Variants in TIGAR observed in about 807,000 individuals in gnomAD.
The protein encoded by TIGAR is TP53 induced glycolysis regulatory phosphatase.
TIGAR carries 7 observed loss-of-function variants against 17.9 expected under a neutral mutation model. The ratio of observed to expected loss-of-function variants is 0.39; its 90% CI spans 0.22 to 0.73. The LOEUF (loss-of-function observed/expected upper bound fraction) is 0.73. Ranked by LOEUF, TIGAR falls within the 30% of genes least tolerant of loss-of-function variation. The pLI is 0.42. For synonymous variants in TIGAR, 94 were observed against 108.6 expected (o/e 0.87, Z 0.84); for missense variants, 258 against 327.4 (o/e 0.79, Z 1.64).
intron 3 of TIGAR, among the ~76,000 whole-genome samples, chr12:4,338,233 A>T (rs1430383737): frequency 2.6e-5 from 4 of 152,226 alleles, no homozygotes; most frequent in African/African-American, 9.6e-5. Flanking sequence ...TTGGAATTTC[A>T]TCTCCCCTAT....
rs139501377 is a variant in TIGAR at position 4,355,666 on chromosome 12, A to G, written c.*2975A>G. Among the ~76,000 whole-genome samples the G allele has an allele frequency of 2.0e-5, 3 of 152,376 alleles. No individual in the cohort carries two copies. The East Asian group carries it at 5.8e-4, about 29-fold the overall frequency. On this transcript the variant is annotated 3_prime_UTR_variant, in exon 6 of 6. Coordinates refer to ENST00000179259, the MANE Select transcript of TIGAR (RefSeq NM_020375.3). Reference sequence around the variant, plus strand: ...AACTATGATAAAGCTGTGAATATGTAGCCATGAACCAAAACAAAGTCTCTG... The same window carrying G: ...AACTATGATAAAGCTGTGAATATGTGGCCATGAACCAAAACAAAGTCTCTG...
intron 2 of TIGAR, among the ~76,000 whole-genome samples, chr12:4,333,415 G>A (rs918589714): frequency 1.3e-5 from 2 of 151,048 alleles, no homozygotes; most frequent in African/African-American, 2.4e-5. Flanking sequence ...CGAGACTCCC[G>A]AGTAGCTGGG....
chr12:4,327,036 A>G (rs529912488), intron 1 of TIGAR, among the ~76,000 whole-genome samples: 11 of 152,336 alleles, frequency 7.2e-5, no homozygotes, highest in African/African-American at 2.6e-4. Flanking sequence ...ATGAATCATA[A>G]ATCAGGCAGC....
Position 4,359,070 on chromosome 12 carries a change from C to A in TIGAR, c.*6379C>A, listed in dbSNP as rs1280587364. The stretch of plus-strand genomic sequence containing the variant: ...GTCTGGTTCCTCATTAAATTTGCAA[C>A]TACTCTTTTAGCCTTTATTGTTTAT... On this transcript the variant is annotated 3_prime_UTR_variant, in exon 6 of 6. Coordinates refer to ENST00000179259, the MANE Select transcript of TIGAR (RefSeq NM_020375.3). Among the ~76,000 whole-genome samples, 1 of 150,612 alleles carries A rather than the reference C, an allele frequency of 6.6e-6. No individual in the cohort carries two copies. The highest frequency in any genetic ancestry group is 1.5e-5 in the Non-Finnish European group (1 of 67,840).
chr12:4,346,288 A>G (rs559414101), intron 3 of TIGAR, among the ~76,000 whole-genome samples: 4 of 152,344 alleles, frequency 2.6e-5, no homozygotes, highest in Non-Finnish European at 4.4e-5. Flanking sequence ...ATCATGTGCT[A>G]TAAAGACACA....
rs542982812 is a variant in TIGAR at position 4,344,656 on chromosome 12, C to G, written c.193-5163C>G. Among the ~76,000 whole-genome samples the G allele has an allele frequency of 3.9e-5, 6 of 152,216 alleles. No homozygotes were observed. In the South Asian group the frequency reaches 1.3e-3, roughly 32 times the overall value. ...ATTATCTCAATAGATGCAGAAAAGG[C>G]CTTTGACAAAATTCAACAGCCCTTC... On this transcript the variant is annotated intron_variant, in intron 3 of 5. Transcript: ENST00000179259.
chr12:4,344,137 T>G (rs1284329438), intron 3 of TIGAR, among the ~76,000 whole-genome samples: 1 of 152,022 alleles, frequency 6.6e-6, no homozygotes, highest in Non-Finnish European at 1.5e-5. Flanking sequence ...AAGAAATGGA[T>G]AAATTCCTCG....
chr12:4,329,096 T>C (rs1426645206), intron 1 of TIGAR, among the ~76,000 whole-genome samples: 1 of 152,162 alleles, frequency 6.6e-6, no homozygotes, highest in Admixed American at 6.6e-5. Context: ...TTTATATTAC[T>C]CTATACCCTG....
chr12:4,322,788 A>G (rs1289076387), intron 1 of TIGAR, among the ~76,000 whole-genome samples: 1 of 152,110 alleles, frequency 6.6e-6, no homozygotes, highest in Non-Finnish European at 1.5e-5. Context: ...TTAGAAATCT[A>G]GTTCCTCACT....
chr12:4,328,478 C>T (rs1237279320), intron 1 of TIGAR, among the ~76,000 whole-genome samples: 1 of 152,014 alleles, frequency 6.6e-6, no homozygotes, highest in East Asian at 1.9e-4. Context: ...AGGCATGAGC[C>T]ACTGCATGTG....
In TIGAR at chr12:4,355,018, A is replaced by G. The variant is rs1348497748; in HGVS notation, c.*2327A>G. ...AGTGCTGGGATTGCAGGCATAAGCC[A>G]CCGTGCCTGGCCTATGATGCATTTT... On this transcript the variant is annotated 3_prime_UTR_variant, in exon 6 of 6. Coordinates refer to ENST00000179259, the MANE Select transcript of TIGAR (RefSeq NM_020375.3). 1.3e-5 allele frequency among the ~76,000 whole-genome samples: 2 copies of G among 151,616 alleles called. No individual in the cohort carries two copies. The highest frequency in any genetic ancestry group is 4.8e-5 in the African/African-American group (2 of 41,260).
chr12:4,346,535 C>T (rs982696216), intron 3 of TIGAR, among the ~76,000 whole-genome samples: 2 of 151,436 alleles, frequency 1.3e-5, no homozygotes, highest in Non-Finnish European at 1.5e-5. Context: ...TTTTCTCACT[C>T]GTAGGTGGGA....
At chr12:4,324,374 A>T in intron 1 of TIGAR, 1 of 1,038,712 alleles carries the variant, frequency 9.6e-7, no homozygotes, top group Non-Finnish European at 1.5e-6. Context: ...CTGAGCCACT[A>T]CTTGAGGGGG....
In TIGAR at chr12:4,351,327, A is replaced by T; in HGVS notation, c.331A>T (p.Arg111Trp). 6.2e-7 allele frequency: 1 copy of T among 1,614,222 alleles called. No individual in the cohort carries two copies. The highest frequency in any genetic ancestry group is 1.1e-5 in the South Asian group (1 of 91,090). Residue 111 changes from arginine (R) to tryptophan (W), a missense_variant, in exon 5 of 6, where the codon AGG becomes TGG. By Grantham distance (101) the Arg-to-Trp change is moderately radical (BLOSUM62 -3). Coordinates refer to ENST00000179259, the MANE Select transcript of TIGAR (RefSeq NM_020375.3). ...SELRAMAKAAREECPVFTPPG... is the reference protein window; with the variant it reads ...SELRAMAKAAWEECPVFTPPG... ...GCTGAGGGCCATGGCCAAAGCAGCC[A>T]GGGAAGAGTGCCCTGTGTTTACACC...
At chr12:4,342,449 T>C (rs1864733790) in intron 3 of TIGAR, among the ~76,000 whole-genome samples, 1 of 151,960 alleles carries the variant, frequency 6.6e-6, no homozygotes. Flanking sequence ...TTCACCAAAG[T>C]TGAAATGAAG....
intron 2 of TIGAR, among the ~76,000 whole-genome samples, chr12:4,335,136 C>G (rs1232014032): frequency 6.6e-6 from 1 of 152,108 alleles, no homozygotes; most frequent in Admixed American, 6.5e-5. Flanking sequence ...CTCCTGGGCT[C>G]AAGTGATTCT....
At position 4,321,628 on chromosome 12, in the gene TIGAR, G is replaced by A. The variant is rs1267165441; in HGVS notation, c.32+325G>A. Among the ~76,000 whole-genome samples, 1 of 152,192 alleles carries A rather than the reference G, an allele frequency of 6.6e-6. No homozygotes were observed. Among genetic ancestry groups the A allele is most frequent in the Non-Finnish European group, 1.5e-5 (1 of 68,034 alleles). On this transcript the variant is annotated intron_variant, in intron 1 of 5. Coordinates refer to ENST00000179259, the MANE Select transcript of TIGAR (RefSeq NM_020375.3). This position sits in a 1 kb window ranked among gnomAD's most constrained non-coding sequence, Gnocchi z 5.2. Reference sequence around the variant, plus strand: ...AAAAACGGTGCCAGACATGTCCACAGACTTGTCTGGGTACCGATTTTGCTC... The same window carrying A: ...AAAAACGGTGCCAGACATGTCCACAAACTTGTCTGGGTACCGATTTTGCTC...
Position 4,359,683 on chromosome 12 carries a change from C to T in TIGAR, c.*6992C>T, listed in dbSNP as rs1226358740. ...ATAAATATTTTTACAAGTCTTTTTG[C>T]GGACGTATGTTTTCATTTCTCTTGG... On this transcript the variant is annotated 3_prime_UTR_variant, in exon 6 of 6. Coordinates refer to ENST00000179259, the MANE Select transcript of TIGAR (RefSeq NM_020375.3). Among the ~76,000 whole-genome samples, 4 of 151,966 alleles carry T rather than the reference C, an allele frequency of 2.6e-5. No individual in the cohort carries two copies. Among genetic ancestry groups the T allele is most frequent in the African/African-American group, 4.8e-5 (2 of 41,356 alleles).
intron 1 of TIGAR, among the ~76,000 whole-genome samples, chr12:4,325,205 G>T (rs1864530990): frequency 6.6e-6 from 1 of 151,968 alleles, no homozygotes; most frequent in South Asian, 2.1e-4. Context: ...GCCTCCCAAA[G>T]TGTTGGGATT....
Sources: allele counts gnomAD v4.1 joint callset (sites outside exome capture counted in the v4.1 genomes callset), GRCh38; gene constraint gnomAD v4.1.1; non-coding constraint Gnocchi (gnomAD v3.1); transcripts MANE v1.5; gene names NCBI Gene and HGNC (gene_info 2026-07-23, HGNC 2026-07-21).